NRXN3: variants seen among roughly 807,000 people sequenced by gnomAD.
NRXN3 encodes the protein neurexin 3.
NRXN3 carries 32 observed loss-of-function variants against 137.6 expected under a neutral mutation model. The observed-to-expected ratio is 0.23, with a 90% CI of 0.18 to 0.31. The LOEUF is 0.31. NRXN3 is among the 10% of genes least tolerant of loss of function. NRXN3 has a pLI of 1.00. For missense variants in NRXN3, 1,574 were observed against 2,062.5 expected (o/e 0.76, Z 4.59); for synonymous variants, 798 against 784.5 (o/e 1.02, Z -0.29).
chr14:79,115,513 A>G (rs2054294562), intron 15 of NRXN3, among the ~76,000 whole-genome samples: 3 of 152,184 alleles, frequency 2.0e-5, no homozygotes, highest in Admixed American at 2.0e-4. Context: ...TGGTTCAGAA[A>G]TACCACTCTG....
intron 1 of NRXN3, among the ~76,000 whole-genome samples, chr14:78,171,521 C>G (rs967770837): frequency 6.6e-6 from 1 of 151,802 alleles, no homozygotes; most frequent in African/African-American, 2.4e-5. Flanking sequence ...AAGCCTGGTT[C>G]GATGTATTGT....
At chr14:79,851,339 G>C (rs1287440578) in intron 20 of NRXN3, among the ~76,000 whole-genome samples, 3 of 151,852 alleles carry the variant, frequency 2.0e-5, no homozygotes, top group Non-Finnish European at 4.4e-5. Context: ...TGGCAACAAG[G>C]GTTTTTCTTT....
chr14:79,328,378 G>C (rs984287488), intron 15 of NRXN3, among the ~76,000 whole-genome samples: 7 of 152,160 alleles, frequency 4.6e-5, no homozygotes, highest in Non-Finnish European at 7.3e-5. Context: ...CCATGCAGGT[G>C]ATCATGTTAG....
intron 15 of NRXN3, among the ~76,000 whole-genome samples, chr14:79,459,826 A>G (rs557126564): frequency 3.8e-4 from 58 of 152,172 alleles, no homozygotes; most frequent in African/African-American, 1.3e-3. Context: ...TCCCAAAGGA[A>G]AAACAATGAG....
At chr14:78,300,696 A>T in intron 4 of NRXN3, 1 of 1,523,554 alleles carries the variant, frequency 6.6e-7, no homozygotes, top group Non-Finnish European at 8.8e-7. Context: ...GTAAAGGTAG[A>T]GCTCACTTTA....
intron 2 of NRXN3, among the ~76,000 whole-genome samples, chr14:78,265,151 C>T (rs1161889184): frequency 1.3e-5 from 2 of 152,280 alleles, no homozygotes; most frequent in Non-Finnish European, 2.9e-5. Context: ...GATAGGTTGG[C>T]ACTGAGTCTT....
At chr14:79,096,934 T>C (rs1484299398) in intron 15 of NRXN3, among the ~76,000 whole-genome samples, 1 of 152,136 alleles carries the variant, frequency 6.6e-6, no homozygotes, top group Admixed American at 6.5e-5. Context: ...TTTGAGATAA[T>C]TTTGATATAT....
At chr14:78,893,444 G>A (rs2152711219) in intron 10 of NRXN3, among the ~76,000 whole-genome samples, 1 of 152,048 alleles carries the variant, frequency 6.6e-6, no homozygotes, top group African/African-American at 2.4e-5. Flanking sequence ...CCTGTTGGTT[G>A]AAGAAGGTGA....
intron 8 of NRXN3, chr14:78,745,419 C>T (rs922152728): frequency 6.6e-6 from 1 of 152,282 alleles, no homozygotes; most frequent in Non-Finnish European, 1.5e-5. Context: ...TTGATTGACA[C>T]ATCATTTCTT....
chr14:79,435,300 C>CAAAAAAAAAAA (rs147005397), intron 15 of NRXN3, among the ~76,000 whole-genome samples: 1 of 123,598 alleles, frequency 8.1e-6, no homozygotes, highest in Non-Finnish European at 1.8e-5. Context: ...GAAATTTGCT[C>CAAAAAAAAAAA]AAAAAAAAAA....
chr14:78,771,705 G>A (rs2098728629), intron 8 of NRXN3, among the ~76,000 whole-genome samples: 1 of 152,176 alleles, frequency 6.6e-6, no homozygotes, highest in South Asian at 2.1e-4. Flanking sequence ...TGTCTCTTTT[G>A]ATTATAACAA....
At position 79,318,678 on chromosome 14, in the gene NRXN3, A is replaced by AG. The variant is rs199501142; in HGVS notation, c.3263-148542dup. ...CGTGAGTCCAGGAAATAAGAACTAG[A>AG]GATGAGCTTGGGTGCCTCTGCTTCT... On this transcript the variant is annotated intron_variant, in intron 15 of 20. Transcript: ENST00000335750. Among the ~76,000 whole-genome samples, 1,025 of 152,246 alleles carry AG rather than the reference A, an allele frequency of 6.7e-3. 9 individuals are homozygous for AG. Among genetic ancestry groups the AG allele is most frequent in the African/African-American group, 0.024 (990 of 41,522 alleles).
chr14:79,332,375 C>G (rs184437300), intron 15 of NRXN3, among the ~76,000 whole-genome samples: 21 of 152,308 alleles, frequency 1.4e-4, no homozygotes, highest in Non-Finnish European at 1.5e-4. Context: ...CCAGTCTCAT[C>G]TCCTACAACT....
chr14:78,812,754 T>C (rs1034406469), intron 10 of NRXN3, among the ~76,000 whole-genome samples: 5 of 152,206 alleles, frequency 3.3e-5, no homozygotes, highest in Non-Finnish European at 5.9e-5. Context: ...ATAGAAAGAA[T>C]ATAACTGATT....
At chr14:78,428,809 C>G (rs776049313) in intron 4 of NRXN3, among the ~76,000 whole-genome samples, 2 of 152,150 alleles carry the variant, frequency 1.3e-5, no homozygotes, top group Admixed American at 6.6e-5. Flanking sequence ...CTATTCTGCT[C>G]TTCACCCAAT....
chr14:79,414,581 C>T (rs193208037), intron 15 of NRXN3, among the ~76,000 whole-genome samples: 35 of 152,162 alleles, frequency 2.3e-4, no homozygotes, highest in African/African-American at 4.8e-4. Context: ...ATATAATTGA[C>T]GAATAATATC....
intron 20 of NRXN3, among the ~76,000 whole-genome samples, chr14:79,848,342 G>A (rs1280434969): frequency 3.9e-5 from 6 of 152,150 alleles, no homozygotes; most frequent in Admixed American, 6.6e-5. Context: ...CAAACCATTA[G>A]ACCAAGCTTG....
intron 15 of NRXN3, among the ~76,000 whole-genome samples, chr14:79,292,086 A>G (rs1598369411): frequency 2.0e-5 from 3 of 152,206 alleles, no homozygotes; most frequent in South Asian, 2.1e-4. Flanking sequence ...CAGTTAGCCT[A>G]TAGCATCTGT....
intron 16 of NRXN3, among the ~76,000 whole-genome samples, chr14:79,499,445 C>G (rs1038721893): frequency 6.6e-6 from 1 of 152,212 alleles, no homozygotes; most frequent in Admixed American, 6.5e-5. Flanking sequence ...AGTAAGCTCT[C>G]TCCCTCCACC....
Sources: allele counts gnomAD v4.1 joint callset (sites outside exome capture counted in the v4.1 genomes callset), GRCh38; gene constraint gnomAD v4.1.1; transcripts MANE v1.5; gene names NCBI Gene and HGNC (gene_info 2026-07-23, HGNC 2026-07-21).